Variants in RERE observed in about 807,000 individuals in gnomAD.
RERE encodes the protein arginine-glutamic acid dipeptide repeats, also known as arginine-glutamic acid dipeptide repeats protein.
RERE carries 40 observed loss-of-function variants against 146.1 expected under a neutral mutation model. That is an observed-to-expected ratio of 0.27 (90% CI 0.21 to 0.36). The LOEUF (loss-of-function observed/expected upper bound fraction) is 0.36, where lower values mean the gene tolerates loss of function less well. Among genes scored for constraint, RERE ranks in the 10% least tolerant of loss-of-function variants. RERE has a pLI of 1.00. For synonymous variants in RERE, 1,003 were observed against 866.0 expected, an observed-to-expected ratio of 1.16 and a Z score of -2.78; for missense variants, 1,933 against 2,138.7, an observed-to-expected ratio of 0.90 and a Z score of 1.90.
chr1:8,355,620 T>C (rs1478501458), intron 21 of RERE, 21 bp from the exon 22 acceptor site: 2 of 1,552,178 alleles, frequency 1.3e-6, no homozygotes, highest in Non-Finnish European at 1.7e-6. Context: ...CAAAACAACC[T>C]GCGCTACAGA....
chr1:8,660,403 T>C (rs957464474), intron 1 of RERE, among the ~76,000 whole-genome samples: 1 of 152,194 alleles, frequency 6.6e-6, no homozygotes, highest in African/African-American at 2.4e-5. Flanking sequence ...AACAACAGCA[T>C]CTTTATTATA....
intron 1 of RERE, among the ~76,000 whole-genome samples, chr1:8,707,367 A>G (rs139600239): frequency 2.0e-5 from 3 of 152,352 alleles, no homozygotes; most frequent in East Asian, 3.9e-4. Context: ...CCTTAGCAAT[A>G]GCTGAACAGG....
chr1:8,656,934 C>T (rs1464137739), intron 1 of RERE, among the ~76,000 whole-genome samples: 10 of 152,084 alleles, frequency 6.6e-5, no homozygotes, highest in Admixed American at 3.9e-4. Context: ...GGCAACAAAG[C>T]GAGATCCCAT....
intron 10 of RERE, among the ~76,000 whole-genome samples, chr1:8,472,588 C>A (rs982600916): frequency 1.3e-5 from 2 of 152,144 alleles, no homozygotes; most frequent in Non-Finnish European, 2.9e-5. Flanking sequence ...CATTTTGCAG[C>A]CAAGTCAGGC....
intron 1 of RERE, among the ~76,000 whole-genome samples, chr1:8,774,951 CTTTTTTTTTTTTT>C (rs869173167): frequency 0.023 from 1,115 of 47,994 alleles, 19 homozygotes; most frequent in African/African-American, 0.076. Flanking sequence ...TTCTTTCTTT[CTTTTTTTTTTTTT>C]TTTTTTTTTT....
chr1:8,434,377 G>A (rs890272281), intron 11 of RERE, among the ~76,000 whole-genome samples: 2 of 152,196 alleles, frequency 1.3e-5, no homozygotes, highest in African/African-American at 4.8e-5. Flanking sequence ...AGAGAACTAC[G>A]CTGGTTGAAA....
chr1:8,555,479 A>G (rs1269556296), intron 6 of RERE, among the ~76,000 whole-genome samples: 1 of 152,204 alleles, frequency 6.6e-6, no homozygotes, highest in Non-Finnish European at 1.5e-5. Flanking sequence ...AGCTTTGCAA[A>G]AAAGACTCCA....
At chr1:8,481,488 T>C (rs1644833657) in intron 10 of RERE, among the ~76,000 whole-genome samples, 1 of 152,210 alleles carries the variant, frequency 6.6e-6, no homozygotes, top group Admixed American at 6.5e-5. Context: ...TAGTTATGTA[T>C]ATAAATATTG....
intron 1 of RERE, among the ~76,000 whole-genome samples, chr1:8,666,467 G>A (rs1271358459): frequency 6.6e-6 from 1 of 152,240 alleles, no homozygotes; most frequent in Non-Finnish European, 1.5e-5. Context: ...GCATGCAGCA[G>A]AAAACCAAAC....
At chr1:8,453,445 A>ATTTC (rs1644412137) in intron 11 of RERE, among the ~76,000 whole-genome samples, 1 of 152,116 alleles carries the variant, frequency 6.6e-6, no homozygotes, top group South Asian at 2.1e-4. Flanking sequence ...AAGCTCCTTT[A>ATTTC]TTTCTTAGAT....
At chr1:8,724,223 A>G (rs1362233301) in intron 1 of RERE, among the ~76,000 whole-genome samples, 1 of 152,194 alleles carries the variant, frequency 6.6e-6, no homozygotes, top group Non-Finnish European at 1.5e-5. Flanking sequence ...AAAGCTGTCA[A>G]TAAGAAACCA....
intron 4 of RERE, among the ~76,000 whole-genome samples, chr1:8,570,472 G>A (rs1429871909): frequency 1.3e-5 from 2 of 152,090 alleles, no homozygotes; most frequent in Non-Finnish European, 2.9e-5. Context: ...CGAACATAAT[G>A]TAGGAAATGA....
intron 7 of RERE, among the ~76,000 whole-genome samples, chr1:8,530,708 G>A (rs1276361724): frequency 8.8e-6 from 1 of 113,098 alleles, no homozygotes; most frequent in Non-Finnish European, 1.7e-5. Flanking sequence ...TTTTTGAGAC[G>A]GAGTCTCGCT....
chr1:8,595,912 G>C (rs1646550734), intron 4 of RERE, among the ~76,000 whole-genome samples: 1 of 152,198 alleles, frequency 6.6e-6, no homozygotes, highest in African/African-American at 2.4e-5. Context: ...AATGAAGAAA[G>C]CAAGTAAGTT....
At chr1:8,363,232 CAAATGA>C (rs549071639) in intron 15 of RERE, among the ~76,000 whole-genome samples, 5 of 152,218 alleles carry the variant, frequency 3.3e-5, no homozygotes, top group African/African-American at 4.8e-5. Context: ...CCAACCAAAC[CAAATGA>C]AATCAAACAC....
At position 8,694,989 on chromosome 1, in the gene RERE, G is replaced by A. The variant is rs570480798; in HGVS notation, c.-144-38548C>T. On this transcript the variant is annotated intron_variant, in intron 1 of 22. Transcript: ENST00000400908. ...GAAATCCTAAGGGGGGGGGGGGAAT[G>A]CTGGCAGCATCACATTATCCAACTT... 5.4e-5 allele frequency among the ~76,000 whole-genome samples: 6 copies of A among 110,230 alleles called. No homozygotes were observed. The South Asian group carries it at 1.7e-3, about 31-fold the overall frequency. 72.3% of individuals were successfully genotyped at this position (110,230 alleles called of 152,430 possible).
intron 1 of RERE, among the ~76,000 whole-genome samples, chr1:8,706,504 G>C (rs1569594031): frequency 6.6e-6 from 1 of 152,314 alleles, no homozygotes; most frequent in East Asian, 1.9e-4. Context: ...TAAGGGATAT[G>C]CAAACAGCCA....
intron 12 of RERE, among the ~76,000 whole-genome samples, chr1:8,397,380 G>T (rs2124434782): frequency 6.6e-6 from 1 of 152,208 alleles, no homozygotes; most frequent in South Asian, 2.1e-4. Flanking sequence ...GGTTCTATTT[G>T]TGCCCCCATT....
At chr1:8,813,904 C>G (rs765652555) in intron 1 of RERE, among the ~76,000 whole-genome samples, 1 of 152,162 alleles carries the variant, frequency 6.6e-6, no homozygotes, top group Non-Finnish European at 1.5e-5. Flanking sequence ...CGTGAGCCAC[C>G]GCACTAGGCC....
Sources: gnomAD v4.1 joint callset for allele counts (sites outside exome capture counted in the v4.1 genomes callset) on GRCh38, gnomAD v4.1.1 for gene constraint, MANE v1.5 for transcripts, NCBI Gene and HGNC (gene_info 2026-07-23, HGNC 2026-07-21) for gene names.